The following PDE7B variants were observed in gnomAD, a reference collection of about 807,000 sequenced individuals.
PDE7B encodes the protein 3',5'-cyclic-AMP phosphodiesterase 7B.
A neutral mutation model predicts 56.2 loss-of-function variants in PDE7B; 29 were observed. The ratio of observed to expected loss-of-function variants is 0.52; its 90% CI spans 0.38 to 0.70. The LOEUF is 0.70. Among genes scored for constraint, PDE7B ranks in the 30% least tolerant of loss-of-function variants. The pLI is 0.00. For synonymous variants in PDE7B, 197 were observed against 196.9 expected (o/e 1.00, Z 0.00); for missense variants, 490 against 565.0 (o/e 0.87, Z 1.35).
chr6:136,114,281 T>C (rs925899740), intron 3 of PDE7B, among the ~76,000 whole-genome samples: 2 of 152,208 alleles, frequency 1.3e-5, no homozygotes, highest in East Asian at 3.8e-4. Context: ...GGAACCAATA[T>C]ATACAAACAT....
chr6:136,112,161 A>G (rs1221980222), intron 3 of PDE7B, among the ~76,000 whole-genome samples: 1 of 152,048 alleles, frequency 6.6e-6, no homozygotes, highest in Non-Finnish European at 1.5e-5. Flanking sequence ...AGGCCCATGC[A>G]TTTCCCCATT....
chr6:135,861,649 A>G (rs574246678), intron 1 of PDE7B, among the ~76,000 whole-genome samples: 1 of 151,640 alleles, frequency 6.6e-6, no homozygotes. Flanking sequence ...ACATTTTCAT[A>G]ATAATTTTAG....
intron 1 of PDE7B, among the ~76,000 whole-genome samples, chr6:135,925,575 A>T (rs755106237): frequency 6.6e-5 from 10 of 152,206 alleles, no homozygotes; most frequent in Non-Finnish European, 1.2e-4. Flanking sequence ...TTTTGCCAGT[A>T]CCTTGCCACA....
intron 2 of PDE7B, among the ~76,000 whole-genome samples, chr6:135,951,000 A>G (rs768537431): frequency 2.0e-5 from 3 of 152,228 alleles, no homozygotes; most frequent in Non-Finnish European, 4.4e-5. Context: ...TTCTGGCTTC[A>G]AGAGAATAGC....
intron 3 of PDE7B, among the ~76,000 whole-genome samples, chr6:136,109,650 C>T (rs550818321): frequency 1.6e-4 from 24 of 152,304 alleles, no homozygotes; most frequent in African/African-American, 5.3e-4. Context: ...TGACTTCTAC[C>T]TTCCCCTCCC....
chr6:136,168,644 A>G (rs182480179), intron 8 of PDE7B, among the ~76,000 whole-genome samples: 139 of 152,262 alleles, frequency 9.1e-4, no homozygotes, highest in Admixed American at 2.9e-3. Context: ...GGTGGCTTCT[A>G]TGAAAGGAAT....
chr6:135,995,153 C>G lies in PDE7B; in HGVS notation c.82+47629C>G, dbSNP rs996733533. Among the ~76,000 whole-genome samples, 6 of 152,300 alleles carry G rather than the reference C, an allele frequency of 3.9e-5. No individual in the cohort carries two copies. In the East Asian group the frequency reaches 1.2e-3, roughly 29 times the overall value. ...CGGGCCTTTGGTCACACAAATCCTACAGGCCTCCAGGCCCTCTGGCCACCA... is the reference window on the plus strand; with the variant it reads ...CGGGCCTTTGGTCACACAAATCCTAGAGGCCTCCAGGCCCTCTGGCCACCA... On this transcript the variant is annotated intron_variant, in intron 2 of 12. Coordinates refer to ENST00000308191, the MANE Select transcript of PDE7B (RefSeq NM_018945.4).
intron 1 of PDE7B, among the ~76,000 whole-genome samples, chr6:135,897,749 G>A (rs78522107): frequency 0.1 from 15,456 of 152,130 alleles, 801 homozygotes; most frequent in African/African-American, 0.12. Context: ...ATAAAACAAA[G>A]TCAGAAGCCA....
At chr6:136,037,638 T>A in intron 2 of PDE7B, 1 of 985,410 alleles carries the variant, frequency 1.0e-6, no homozygotes, top group South Asian at 4.7e-5. Context: ...TCCTTGGGGC[T>A]TGCAGGCCTG....
At chr6:136,100,968 T>C (rs1342895421) in intron 2 of PDE7B, among the ~76,000 whole-genome samples, 1 of 152,214 alleles carries the variant, frequency 6.6e-6, no homozygotes, top group Non-Finnish European at 1.5e-5. Context: ...TGAGAGTTTT[T>C]AGCATGAAAG....
At chr6:136,075,782 T>G (rs985846886) in intron 2 of PDE7B, among the ~76,000 whole-genome samples, 1 of 152,130 alleles carries the variant, frequency 6.6e-6, no homozygotes, top group Non-Finnish European at 1.5e-5. Context: ...ACATAACAAG[T>G]CCTTACAGAA....
intron 2 of PDE7B, among the ~76,000 whole-genome samples, chr6:136,089,292 T>C (rs182298427): frequency 4.1e-4 from 63 of 152,284 alleles, no homozygotes; most frequent in Admixed American, 7.2e-4. Flanking sequence ...ACAAAAAAGA[T>C]TGGCACCAGG....
intron 2 of PDE7B, among the ~76,000 whole-genome samples, chr6:135,961,180 T>C (rs1011365710): frequency 1.3e-5 from 2 of 152,128 alleles, no homozygotes; most frequent in Non-Finnish European, 2.9e-5. Flanking sequence ...TGTCTTTTTG[T>C]GCAAAAAATT....
intron 1 of PDE7B, among the ~76,000 whole-genome samples, chr6:135,944,283 G>C (rs766357419): frequency 1.3e-5 from 2 of 152,084 alleles, no homozygotes; most frequent in Non-Finnish European, 2.9e-5. Context: ...AGACCCTGTG[G>C]CTTAGCCCAG....
chr6:136,158,296 A>G (rs150912496), intron 8 of PDE7B, among the ~76,000 whole-genome samples: 156 of 152,110 alleles, frequency 1.0e-3, no homozygotes, highest in African/African-American at 3.6e-3. Flanking sequence ...CAAATTTTAA[A>G]ATAAGTTGCA....
chr6:136,135,137 T>C (rs1778190704), intron 3 of PDE7B, among the ~76,000 whole-genome samples: 1 of 152,118 alleles, frequency 6.6e-6, no homozygotes, highest in Admixed American at 6.6e-5. Flanking sequence ...ACAGAAGAGC[T>C]AATGACATAA....
At chr6:136,037,379 G>A (rs1488711118) in intron 2 of PDE7B, 1 of 978,730 alleles carries the variant, frequency 1.0e-6, no homozygotes. Flanking sequence ...GGCAGCTGAG[G>A]TTATGAAGGG....
intron 1 of PDE7B, among the ~76,000 whole-genome samples, chr6:135,884,032 T>C (rs767609079): frequency 6.6e-6 from 1 of 152,208 alleles, no homozygotes; most frequent in African/African-American, 2.4e-5. Context: ...ATTTTATAAA[T>C]GTTTCATGTA....
chr6:136,079,315 A>G (rs1331805427), intron 2 of PDE7B, among the ~76,000 whole-genome samples: 1 of 152,188 alleles, frequency 6.6e-6, no homozygotes, highest in African/African-American at 2.4e-5. Context: ...TATAGGCTTA[A>G]TATATCTATT....
Sources: gnomAD v4.1 joint callset for allele counts (sites outside exome capture counted in the v4.1 genomes callset) on GRCh38, gnomAD v4.1.1 for gene constraint, MANE v1.5 for transcripts, NCBI Gene and HGNC (gene_info 2026-07-23, HGNC 2026-07-21) for gene names.